The following TCERG1 variants were observed in gnomAD, a reference collection of about 807,000 sequenced individuals.
The protein encoded by TCERG1 is TATA box binding protein (TBP)-associated factor, RNA polymerase II, S, 150kD.
A neutral mutation model predicts 144.7 loss-of-function variants in TCERG1; 37 were observed. The observed-to-expected ratio is 0.26, with a 90% CI of 0.20 to 0.34. The LOEUF is 0.34. Ranked by LOEUF, TCERG1 falls within the 10% of genes least tolerant of loss-of-function variation. TCERG1 has a pLI of 1.00. For synonymous variants in TCERG1, 492 were observed against 458.2 expected (o/e 1.07, Z -0.94); for missense variants, 1,027 against 1,380.7 (o/e 0.74, Z 4.06).
chr5:146,454,983 T>A, intron 1 of TCERG1, 73 bp from the exon 2 acceptor site: 2 of 1,484,346 alleles, frequency 1.3e-6, no homozygotes, highest in Non-Finnish European at 1.9e-6. Context: ...ATTTGATGGA[T>A]GTAATTAGAG....
chr5:146,505,926 G>A (rs544732042), intron 19 of TCERG1, among the ~76,000 whole-genome samples: 11 of 152,110 alleles, frequency 7.2e-5, no homozygotes, highest in Admixed American at 2.6e-4. Flanking sequence ...ACAGGCATGC[G>A]CCACCACACA....
At chr5:146,483,725 A>G in intron 15 of TCERG1, 96 bp downstream of exon 15, 1 of 858,558 alleles carries the variant, frequency 1.2e-6, no homozygotes, top group Non-Finnish European at 1.8e-6. Flanking sequence ...TTTTTCTGAT[A>G]CAGCATTTCA....
At chr5:146,477,431 C>G (rs540342400) in intron 9 of TCERG1, among the ~76,000 whole-genome samples, 19 of 152,196 alleles carry the variant, frequency 1.2e-4, no homozygotes, top group Non-Finnish European at 2.6e-4. Context: ...CCATGCCACT[C>G]TGCAACCAGA....
chr5:146,451,777 T>TG lies in TCERG1; in HGVS notation c.60-3279_60-3278insG, dbSNP rs1423899826. ...ACAAGTCCAGAAGGCAAATTAGTTT[T>TG]TTTTTTTTTTAATTTTTTAATTTTT... On this transcript the variant is annotated intron_variant, in intron 1 of 22. Coordinates refer to ENST00000679501, the MANE Select transcript of TCERG1 (RefSeq NM_001382548.1). 2.0e-5 allele frequency among the ~76,000 whole-genome samples: 3 copies of TG among 149,632 alleles called. No homozygotes were observed. In the East Asian group the frequency reaches 6.0e-4, roughly 30 times the overall value.
chr5:146,455,039 C>T lies in TCERG1; in HGVS notation c.60-17C>T, dbSNP rs1392783499. ...AATTTTAAGAAAGAAAAATTTATTC[C>T]TTGCTTTCCCATGCAGGATGGCCCA... On this transcript the variant is annotated splice_polypyrimidine_tract_variant and intron_variant, in intron 1 of 22. Coordinates refer to ENST00000679501, the MANE Select transcript of TCERG1 (RefSeq NM_001382548.1). 1.2e-6 allele frequency: 2 copies of T among 1,611,204 alleles called. No individual in the cohort carries two copies. Among genetic ancestry groups the T allele is most frequent in the Non-Finnish European group, 1.7e-6 (2 of 1,178,694 alleles).
chr5:146,499,492 C>A (rs1010726163), intron 17 of TCERG1: 1 of 152,144 alleles, frequency 6.6e-6, no homozygotes, highest in Non-Finnish European at 1.5e-5. Context: ...ATACCTGAAA[C>A]CTCCTAATTA....
chr5:146,504,757 A>C (rs1258288072), intron 19 of TCERG1, among the ~76,000 whole-genome samples: 1 of 152,096 alleles, frequency 6.6e-6, no homozygotes, highest in East Asian at 1.9e-4. Context: ...CATAAAGTTC[A>C]CTAACATGGC....
intron 9 of TCERG1, among the ~76,000 whole-genome samples, chr5:146,473,026 T>G (rs972441084): frequency 7.2e-5 from 11 of 152,114 alleles, no homozygotes; most frequent in Admixed American, 6.5e-4. Context: ...TACCTCTCAC[T>G]TTAAGTCAAA....
At chr5:146,484,748 C>G (rs1176562064) in intron 15 of TCERG1, among the ~76,000 whole-genome samples, 2 of 152,066 alleles carry the variant, frequency 1.3e-5, no homozygotes, top group African/African-American at 4.8e-5. Flanking sequence ...CTTACTTTTC[C>G]CACTTCCCCT....
At chr5:146,503,190 T>G (rs1767640302) in intron 17 of TCERG1, 185 bp from the exon 18 acceptor site, 1 of 438,346 alleles carries the variant, frequency 2.3e-6, no homozygotes, top group Non-Finnish European at 3.9e-6. Flanking sequence ...ATGTTTACAT[T>G]TCTAGTAAAA....
In TCERG1 at chr5:146,503,383, G is replaced by A. The variant is rs752570962; in HGVS notation, c.2442G>A (p.Ser814=). The change falls in exon 18 of 23, where the codon TCG becomes TCA. Residue 814 remains serine, a synonymous_variant. Transcript: ENST00000679501. The part of the protein sequence containing the change: ...DSKTRGEKIK[S]DFFELLSNHH... ...CCTGTTTTAAAATACAGATTAAATC[G>A]GATTTCTTTGAACTATTATCTAATC... 1.7e-5 allele frequency: 27 copies of A among 1,610,658 alleles called. No homozygotes were observed. The highest frequency in any genetic ancestry group is 1.7e-4 in the Middle Eastern group (1 of 6,060).
chr5:146,469,749 A>G lies in TCERG1; in HGVS notation c.1399+5A>G. On this transcript the variant is annotated splice_donor_5th_base_variant and intron_variant, in intron 7 of 22. Transcript: ENST00000679501. Reference sequence around the variant, plus strand: ...CCCAAGAACTAAAGGAAAAAGGTATATAGTGGTTTTAATGACTTGGAAAGT... The same window carrying G: ...CCCAAGAACTAAAGGAAAAAGGTATGTAGTGGTTTTAATGACTTGGAAAGT... 4 of 1,571,160 alleles carry G rather than the reference A, an allele frequency of 2.5e-6. No homozygotes were observed. Among genetic ancestry groups the G allele is most frequent in the South Asian group, 1.2e-5 (1 of 83,478 alleles).
At chr5:146,463,482 A>T (rs1336489091) in intron 4 of TCERG1, 69 bp from the exon 5 acceptor site, 2 of 1,594,436 alleles carry the variant, frequency 1.3e-6, no homozygotes, top group Admixed American at 1.7e-5. Context: ...TGAATGTGTA[A>T]ATGATGAATG....
intron 15 of TCERG1, among the ~76,000 whole-genome samples, chr5:146,492,250 G>A (rs1766499927): frequency 6.6e-6 from 1 of 152,098 alleles, no homozygotes; most frequent in Non-Finnish European, 1.5e-5. Flanking sequence ...AAAAAAACTT[G>A]AGTTGCCTCT....
At chr5:146,452,323 T>C (rs188587514) in intron 1 of TCERG1, among the ~76,000 whole-genome samples, 239 of 152,302 alleles carry the variant, frequency 1.6e-3, no homozygotes, top group African/African-American at 5.5e-3. Flanking sequence ...ATAATGTAGA[T>C]GTATAGTAGC....
chr5:146,447,434 T>C (rs776188996), intron 1 of TCERG1, 26 bp downstream of exon 1: 27 of 1,605,380 alleles, frequency 1.7e-5, no homozygotes, highest in Non-Finnish European at 2.3e-5. Flanking sequence ...CTCCTTCACA[T>C]CTCTGCTCAC....
At chr5:146,489,201 G>T (rs1373972111) in intron 15 of TCERG1, among the ~76,000 whole-genome samples, 1 of 152,062 alleles carries the variant, frequency 6.6e-6, no homozygotes, top group Non-Finnish European at 1.5e-5. Flanking sequence ...GATATTAAAC[G>T]TTTTTCCAAC....
At chr5:146,490,215 T>TA (rs1309586772) in intron 15 of TCERG1, among the ~76,000 whole-genome samples, 28 of 152,296 alleles carry the variant, frequency 1.8e-4, no homozygotes, top group Admixed American at 1.5e-3. Flanking sequence ...TAATCACAGA[T>TA]ATGGTAGTCC....
At chr5:146,471,373 A>T in intron 8 of TCERG1, 115 bp from the exon 9 acceptor site, 1 of 887,778 alleles carries the variant, frequency 1.1e-6, no homozygotes, top group Non-Finnish European at 1.7e-6. Context: ...GTCTCCTCTT[A>T]TTCTAGCAGC....
Sources: gnomAD v4.1 joint callset for allele counts (sites outside exome capture counted in the v4.1 genomes callset) on GRCh38, gnomAD v4.1.1 for gene constraint, MANE v1.5 for transcripts, NCBI Gene and HGNC (gene_info 2026-07-23, HGNC 2026-07-21) for gene names.